The following TRPT1 variants were observed in gnomAD, a reference collection of about 807,000 sequenced individuals.
The protein encoded by TRPT1 is tRNA 2'-phosphotransferase 1.
A neutral mutation model predicts 28.4 loss-of-function variants in TRPT1; 22 were observed. The observed-to-expected ratio is 0.78, with a 90% CI of 0.55 to 1.11. The LOEUF (loss-of-function observed/expected upper bound fraction) is 1.11, where lower values mean the gene tolerates loss of function less well. Among genes scored for constraint, TRPT1 ranks in the 50% least tolerant of loss-of-function variants. The pLI is 0.00. For synonymous variants in TRPT1, 137 were observed against 132.4 expected (o/e 1.03, Z -0.24); for missense variants, 308 against 317.7 (o/e 0.97, Z 0.23).
rs1946884512 is a variant in TRPT1 at position 64,224,903 on chromosome 11, C to T, written c.225G>A (p.Val75=). The change falls in exon 4 of 8, where the codon GTG becomes GTA. Residue 75 remains valine (V), a synonymous_variant. Coordinates refer to ENST00000317459, the MANE Select transcript of TRPT1 (RefSeq NM_001033678.4). ...PQFRGFSAED[V]QRVVDTNRKQ... ...TCCTATTGGTGTCCACCACGCGCTG[C>T]ACATCTTCAGCAGAGAAGCCGCGGA... The T allele has an allele frequency of 6.2e-7, 1 of 1,603,454 alleles. No homozygotes were observed. Among genetic ancestry groups the T allele is most frequent in the African/African-American group, 1.3e-5 (1 of 74,680 alleles).
chr11:64,225,154 G>T, intron 3 of TRPT1, 184 bp from the exon 4 acceptor site: 1 of 697,068 alleles, frequency 1.4e-6, no homozygotes, highest in African/African-American at 1.8e-5. Flanking sequence ...AAGAGGATCT[G>T]CCTCACGGAG....
In TRPT1 at chr11:64,225,575, T is replaced by G. The variant is rs1946951415; in HGVS notation, c.81A>C (p.Arg27=). ...ACAGAGCCTTGGACAGCTGCACGTC[T>G]CGGTCCTGAAAGAACCCAGCGGTGG... The part of the protein sequence containing the change: ...RRAPRPREQD[R]DVQLSKALSY... The change falls in exon 3 of 8, where the codon CGA becomes CGC. Residue 27 remains arginine (R), a synonymous_variant. Transcript: ENST00000317459. 6.2e-7 allele frequency: 1 copy of G among 1,610,610 alleles called. No homozygotes were observed. The highest frequency in any genetic ancestry group is 1.7e-5 in the Admixed American group (1 of 59,702).
At chr11:64,225,423 GC>G (rs1946936425) in intron 3 of TRPT1, 75 bp downstream of exon 3, 1 of 1,274,452 alleles carries the variant, frequency 7.8e-7, no homozygotes, top group Non-Finnish European at 1.1e-6. Context: ...GGTGGAGGCA[GC>G]CATCAGGGAG....
intron 3 of TRPT1, chr11:64,225,288 G>A: frequency 3.3e-6 from 2 of 611,964 alleles, no homozygotes; most frequent in Non-Finnish European, 5.7e-6. Flanking sequence ...GGCTGGAGGG[G>A]GCGGTCACCA....
chr11:64,225,101 A>T, intron 3 of TRPT1, 131 bp from the exon 4 acceptor site: 1 of 1,037,878 alleles, frequency 9.6e-7, no homozygotes, highest in East Asian at 2.6e-5. Flanking sequence ...GACCTTTAGA[A>T]AGTCTCCCCT....
Position 64,224,317 on chromosome 11 carries a change from G to T in TRPT1, c.527C>A (p.Ala176Asp), listed in dbSNP as rs1946828325. 3 of 1,613,716 alleles carry T rather than the reference G, an allele frequency of 1.9e-6. No individual in the cohort carries two copies. The highest frequency in any genetic ancestry group is 2.5e-6 in the Non-Finnish European group (3 of 1,180,048). ...AGCCAGGGGTCCATCGATGAACACA[G>T]CTATTTCACAATGGGACCGCATGCC... ...ISGMRSHCEI[A>D]VFIDGPLALA... Residue 176 changes from alanine (A) to aspartate (D), a missense_variant, in exon 6 of 8, where the codon GCT (alanine) becomes GAT (aspartate). Ala to Asp is a moderately radical substitution (Grantham distance 126). Transcript: ENST00000317459.
chr11:64,225,099 G>T (rs1256109745), intron 3 of TRPT1, 129 bp from the exon 4 acceptor site: 2 of 1,055,216 alleles, frequency 1.9e-6, no homozygotes, highest in East Asian at 2.6e-5. Context: ...GGGACCTTTA[G>T]AAAGTCTCCC....
Position 64,224,559 on chromosome 11 carries a change from G to T in TRPT1, c.486C>A (p.Asp162Glu), listed in dbSNP as rs1946851222. 6.4e-7 allele frequency: 1 copy of T among 1,569,638 alleles called. No individual in the cohort carries two copies. The highest frequency in any genetic ancestry group is 1.3e-5 in the African/African-American group (1 of 74,088). Residue 162 changes from aspartate (D) to glutamate (E), a missense_variant, in exon 5 of 8, where the codon GAC (aspartate) becomes GAA (glutamate). Asp to Glu is a conservative substitution (Grantham distance 45, BLOSUM62 2). Transcript: ENST00000317459. ...HIHLAPGLPG[D>E]PGIISGMRSH... Reference sequence around the variant, plus strand: ...GGCACTGACCACTGATGATACCGGGGTCTCCAGGCAGTCCTGGGGCCAGGT... The same window carrying T: ...GGCACTGACCACTGATGATACCGGGTTCTCCAGGCAGTCCTGGGGCCAGGT...
Position 64,225,817 on chromosome 11 carries a change from CT to C in TRPT1, c.43del (p.Arg15GlyfsTer30), listed in dbSNP as rs1946977136. 1.3e-6 allele frequency: 2 copies of C among 1,554,722 alleles called. No individual in the cohort carries two copies. Among genetic ancestry groups the C allele is most frequent in the Non-Finnish European group, 1.7e-6 (2 of 1,148,592 alleles). ...TCGGGGTCTGGGAGCCCTTCTACCCCTGGACCCTGCTGCTTCCTGCCTCCCT... is the reference window on the plus strand; with the variant it reads ...TCGGGGTCTGGGAGCCCTTCTACCCCGGACCCTGCTGCTTCCTGCCTCCCT... Reference protein sequence around the residue: ...GGGRQEAAGSRGRRAPRPREQ... With the variant: ...GGGRQEAAGSXGRRAPRPREQ... On this transcript the variant is annotated frameshift_variant, in exon 2 of 8. Transcript: ENST00000317459. LOFTEE classifies it high-confidence loss of function.
In TRPT1 at chr11:64,225,549, G is replaced by A. The variant is rs1372581722; in HGVS notation, c.107C>T (p.Ser36Phe). 8.1e-6 allele frequency: 13 copies of A among 1,612,826 alleles called. No homozygotes were observed. Among genetic ancestry groups the A allele is most frequent in the Non-Finnish European group, 1.1e-5 (13 of 1,179,668 alleles). The change falls in exon 3 of 8, where the codon TCC becomes TTC. Residue 36 changes from serine to phenylalanine, a missense_variant. Coordinates refer to ENST00000317459, the MANE Select transcript of TRPT1 (RefSeq NM_001033678.4). ...CAAGGCCCCATGGCGCAGGGCATAG[G>A]ACAGAGCCTTGGACAGCTGCACGTC... is the stretch of plus-strand genomic sequence containing the variant. ...DRDVQLSKAL[S>F]YALRHGALKL... is the part of the protein sequence containing the mutation.
intron 5 of TRPT1, 70 bp from the exon 6 acceptor site, chr11:64,224,411 C>T (rs1565302790): frequency 6.2e-7 from 1 of 1,607,926 alleles, no homozygotes; most frequent in African/African-American, 1.3e-5. Flanking sequence ...GACTGGGGTC[C>T]TGGGCTGGGG....
Position 64,224,613 on chromosome 11 carries a change from G to A in TRPT1, c.432C>T (p.Gly144=). 1.2e-6 allele frequency: 2 copies of A among 1,605,964 alleles called. No individual in the cohort carries two copies. Among genetic ancestry groups the A allele is most frequent in the Non-Finnish European group, 1.7e-6 (2 of 1,175,428 alleles). ...WKHWPSILLK[G]LSCQGRTHIH... ...TGTGCGTCCTTCCCTGGCAGGACAG[G>A]CCTTTGAGTAGGATGGATGGCCAGT... Residue 144 remains glycine (G), a synonymous_variant, in exon 5 of 8, where the codon GGC becomes GGT. Coordinates refer to ENST00000317459, the MANE Select transcript of TRPT1 (RefSeq NM_001033678.4).
chr11:64,224,986 G>A lies in TRPT1; in HGVS notation c.158-16C>T. On this transcript the variant is annotated splice_polypyrimidine_tract_variant and intron_variant, in intron 3 of 7. Coordinates refer to ENST00000317459, the MANE Select transcript of TRPT1 (RefSeq NM_001033678.4). Reference sequence around the variant, plus strand: ...ACGAAGCCATCTGTGGGCAGGCAGGGTGCTCAGGAGCTAACCTTGCTCTGG... The same window carrying A: ...ACGAAGCCATCTGTGGGCAGGCAGGATGCTCAGGAGCTAACCTTGCTCTGG... 3 of 1,549,288 alleles carry A rather than the reference G, an allele frequency of 1.9e-6. No individual in the cohort carries two copies. In the South Asian group the frequency reaches 3.6e-5, roughly 18 times the overall value.
In TRPT1 at chr11:64,225,788, G is replaced by GAACCCAAGAC; in HGVS notation, c.72_73insGTCTTGGGTT (p.Gln25ValfsTer32). 6.4e-7 allele frequency: 1 copy of GAACCCAAGAC among 1,550,886 alleles called. No homozygotes were observed. The highest frequency in any genetic ancestry group is 2.0e-5 in the Admixed American group (1 of 50,976). On this transcript the variant is annotated frameshift_variant, in exon 2 of 8. Coordinates refer to ENST00000317459, the MANE Select transcript of TRPT1 (RefSeq NM_001033678.4). LOFTEE classifies it high-confidence loss of function. Reference sequence around the variant, plus strand: ...GGGGGTGGGGAGGAGGCGCGCACCTGTTCTCGGGGTCTGGGAGCCCTTCTA... The same window carrying GAACCCAAGAC: ...GGGGGTGGGGAGGAGGCGCGCACCTGAACCCAAGACTTCTCGGGGTCTGGGAGCCCTTCTA...
intron 1 of TRPT1, 67 bp downstream of exon 1, chr11:64,225,983 A>T (rs1366795463): frequency 3.0e-6 from 2 of 658,762 alleles, no homozygotes; most frequent in Non-Finnish European, 5.4e-6. Context: ...TATACGGCTC[A>T]TTAAGTTCAC....
chr11:64,225,051 CAA>C (rs1946900785), intron 3 of TRPT1, 81 bp from the exon 4 acceptor site: 1 of 1,461,124 alleles, frequency 6.8e-7, no homozygotes, highest in Non-Finnish European at 9.2e-7. Context: ...GCAACCGAAA[CAA>C]AGTCTGGGCT....
chr11:64,224,512 G>A, intron 5 of TRPT1, 31 bp downstream of exon 5: 2 of 1,564,032 alleles, frequency 1.3e-6, no homozygotes, highest in African/African-American at 1.3e-5. Context: ...AGAGTGGGTG[G>A]GAGTAGCTAG....
Position 64,224,134 on chromosome 11 carries a change from CT to C in TRPT1, c.635del (p.Lys212SerfsTer61). Reference sequence around the variant, plus strand: ...GTAGCTGCAGGGCCTCCTTGAAGTACTTGGGAAGGAGGAAGCCATCAGTATT... The same window carrying C: ...GTAGCTGCAGGGCCTCCTTGAAGTACTGGGAAGGAGGAAGCCATCAGTATT... ...PGNTDGFLLP[K>X]YFKEALQLRP... On this transcript the variant is annotated frameshift_variant, in exon 7 of 8. Transcript: ENST00000317459. LOFTEE classifies it high-confidence loss of function. The C allele has an allele frequency of 6.2e-7, 1 of 1,607,554 alleles. No homozygotes were observed. The highest frequency in any genetic ancestry group is 1.1e-5 in the South Asian group (1 of 90,600).
chr11:64,224,306 C>T lies in TRPT1; in HGVS notation c.538G>A (p.Asp180Asn), dbSNP rs538111971. The T allele has an allele frequency of 8.7e-6, 14 of 1,613,854 alleles. No homozygotes were observed. Among genetic ancestry groups the T allele is most frequent in the East Asian group, 2.2e-5 (1 of 44,886 alleles). Residue 180 changes from aspartate (D) to asparagine (N), a missense_variant, in exon 6 of 8, where the codon GAT becomes AAT. By Grantham distance (23) the Asp-to-Asn change is conservative. Coordinates refer to ENST00000317459, the MANE Select transcript of TRPT1 (RefSeq NM_001033678.4). ...RSHCEIAVFI[D>N]GPLALADGIP... ...TCACCTGCCAGAGCCAGGGGTCCAT[C>T]GATGAACACAGCTATTTCACAATGG...
Sources: gnomAD v4.1 joint callset for allele counts on GRCh38, gnomAD v4.1.1 for gene constraint, MANE v1.5 for transcripts, NCBI Gene and HGNC (gene_info 2026-07-23, HGNC 2026-07-21) for gene names.